COLEC10: variants seen among roughly 807,000 people sequenced by gnomAD.
COLEC10 encodes collectin subfamily member 10.
In COLEC10, 22 loss-of-function variants were observed where a neutral mutation model predicts 28.4. That is an observed-to-expected ratio of 0.78 (90% CI 0.55 to 1.11). The LOEUF (loss-of-function observed/expected upper bound fraction) is 1.11. Ranked by LOEUF, COLEC10 falls within the 50% of genes least tolerant of loss-of-function variation. The probability of loss-of-function intolerance (pLI) is 0.00; values close to 1 mark genes in which losing one functional copy is unlikely to be tolerated. For synonymous variants in COLEC10, 125 were observed against 116.1 expected (o/e 1.08, Z -0.49); for missense variants, 361 against 344.1 (o/e 1.05, Z -0.39).
intron 2 of COLEC10, among the ~76,000 whole-genome samples, chr8:119,036,363 T>C (rs1814389446): frequency 6.6e-6 from 1 of 152,234 alleles, no homozygotes; most frequent in Admixed American, 6.5e-5. Flanking sequence ...GGCATCTGCA[T>C]GCCACTCAGT....
At chr8:118,987,092 G>A in the COLEC10 span, among the ~76,000 whole-genome samples, 1 of 152,094 alleles carries the variant, frequency 6.6e-6, no homozygotes, top group Non-Finnish European at 1.5e-5. Flanking sequence ...CGAATACTTT[G>A]TCTCGTCTCT....
chr8:118,952,731 G>A, the COLEC10 span, among the ~76,000 whole-genome samples: 4 of 152,148 alleles, frequency 2.6e-5, no homozygotes, highest in East Asian at 3.9e-4. Context: ...AGCTTCCTAC[G>A]CGCTGAACTT....
the COLEC10 span, among the ~76,000 whole-genome samples, chr8:118,964,500 A>G: frequency 6.6e-6 from 1 of 152,160 alleles, no homozygotes; most frequent in Non-Finnish European, 1.5e-5. Flanking sequence ...GAGCTTTAAT[A>G]TTTAAATTCT....
chr8:119,023,011 G>A lies in COLEC10; in HGVS notation n.235+13458G>A, dbSNP rs535769769. On this transcript the variant is annotated intron_variant and non_coding_transcript_variant, in intron 2 of 6. Coordinates refer to the COLEC10 transcript ENST00000521788. The stretch of plus-strand genomic sequence containing the variant: ...TTTGCACTGCTTACTTACTCCACTG[G>A]AAGCAACTGTGGTAATTCCTGGTCT... Among the ~76,000 whole-genome samples the A allele has an allele frequency of 1.3e-4, 20 of 152,002 alleles. 1 individual carries two copies. The South Asian group carries it at 3.3e-3, about 25-fold the overall frequency.
chr8:118,982,135 A>C, the COLEC10 span, among the ~76,000 whole-genome samples: 1 of 152,126 alleles, frequency 6.6e-6, no homozygotes. Flanking sequence ...CTGATTGCTA[A>C]GGATTTAATT....
At chr8:118,991,295 C>T (rs11992070), upstream of COLEC10, among the ~76,000 whole-genome samples, 7,427 of 152,190 alleles carry the variant, frequency 0.049, 279 homozygotes, top group East Asian at 0.17. Context: ...TCCCTGTGTC[C>T]TAACTACCTC....
intron 1 of COLEC10, 80 bp from the exon 2 acceptor site, chr8:119,089,600 C>A (rs1815547716): frequency 8.9e-7 from 1 of 1,124,482 alleles, no homozygotes; most frequent in Non-Finnish European, 1.3e-6. Context: ...AGATTGTAAC[C>A]ATGTCCACCT....
intron 1 of COLEC10, among the ~76,000 whole-genome samples, chr8:118,996,585 G>A (rs575864924): frequency 9.9e-5 from 15 of 152,048 alleles, no homozygotes; most frequent in East Asian, 7.7e-4. Flanking sequence ...TTGTGGTTCC[G>A]GTTTACATTT....
the COLEC10 span, among the ~76,000 whole-genome samples, chr8:118,957,300 A>T: frequency 6.6e-6 from 1 of 152,218 alleles, no homozygotes; most frequent in African/African-American, 2.4e-5. Context: ...AACTCTTCGG[A>T]TGGTGATAGG....
At chr8:118,981,242 A>C in the COLEC10 span, among the ~76,000 whole-genome samples, 1 of 152,146 alleles carries the variant, frequency 6.6e-6, no homozygotes, top group African/African-American at 2.4e-5. Flanking sequence ...GGTTTAAAAC[A>C]AACAAGAAAA....
chr8:119,077,013 A>G (rs1815252644), intron 1 of COLEC10, among the ~76,000 whole-genome samples: 1 of 152,208 alleles, frequency 6.6e-6, no homozygotes, highest in African/African-American at 2.4e-5. Context: ...GTGTCACCCT[A>G]GCACCATGCT....
At chr8:118,970,219 A>T in the COLEC10 span, among the ~76,000 whole-genome samples, 1 of 152,082 alleles carries the variant, frequency 6.6e-6, no homozygotes, top group Non-Finnish European at 1.5e-5. Flanking sequence ...AAGTAGCCAT[A>T]ATCCTATTTA....
chr8:119,045,921 T>C (rs1054438782), intron 2 of COLEC10, among the ~76,000 whole-genome samples: 5 of 152,208 alleles, frequency 3.3e-5, no homozygotes, highest in African/African-American at 1.2e-4. Flanking sequence ...ACAGAATAAA[T>C]CTACGGTCTT....
rs1064556 is a variant in COLEC10 at position 119,106,378 on chromosome 8, A to G, written c.*187A>G. 0.1 allele frequency: 60,411 copies of G among 587,596 alleles called. 7,760 individuals carry two copies. Among genetic ancestry groups the G allele is most frequent in the African/African-American group, 0.47 (25,093 of 53,818 alleles). The allele number at this position is 587,596 out of a possible 1,614,324, so 36.4% of individuals were successfully genotyped here. A position where few individuals can be genotyped will look rare whatever the true frequency, so the allele number is the denominator to read the frequency against. On this transcript the variant is annotated 3_prime_UTR_variant, in exon 6 of 6. Coordinates refer to ENST00000332843, the MANE Select transcript of COLEC10 (RefSeq NM_006438.5). ...ATTTTCATATTTTCACACATGGTAT[A>G]TTATTGACCCAATAACTCGCCAGGT... is the stretch of plus-strand genomic sequence containing the variant.
chr8:119,005,241 A>G (rs138654773), intron 1 of COLEC10, among the ~76,000 whole-genome samples: 30 of 152,258 alleles, frequency 2.0e-4, no homozygotes, highest in South Asian at 1.2e-3. Flanking sequence ...TTTACTGAGC[A>G]AACCATGACA....
chr8:119,072,436 A>G (rs1011069131), intron 1 of COLEC10, among the ~76,000 whole-genome samples: 2 of 152,208 alleles, frequency 1.3e-5, no homozygotes, highest in African/African-American at 4.8e-5. Context: ...ATACTTTATT[A>G]TCTCAATGGA....
At chr8:119,069,629 A>AAAAATATATATATATATATAT (rs1554627284) in intron 1 of COLEC10, among the ~76,000 whole-genome samples, 1 of 42,876 alleles carries the variant, frequency 2.3e-5, no homozygotes, top group Non-Finnish European at 4.4e-5. Flanking sequence ...AAAAAAAAAA[A>AAAAATATATATATATATATAT]ATATATATAT....
chr8:118,992,806 T>C (rs1175804154), upstream of COLEC10, among the ~76,000 whole-genome samples: 1 of 152,188 alleles, frequency 6.6e-6, no homozygotes, highest in Non-Finnish European at 1.5e-5. Context: ...ACATCAAACA[T>C]TATACCATAA....
intron 2 of COLEC10, among the ~76,000 whole-genome samples, chr8:119,039,808 T>TTC (rs1206596935): frequency 6.6e-6 from 1 of 152,204 alleles, no homozygotes; most frequent in Non-Finnish European, 1.5e-5. Flanking sequence ...GGTGCCATCT[T>TTC]TCTCTCTCTT....
Sources: allele counts gnomAD v4.1 joint callset (sites outside exome capture counted in the v4.1 genomes callset), GRCh38; gene constraint gnomAD v4.1.1; transcripts MANE v1.5; gene names NCBI Gene and HGNC (gene_info 2026-07-23, HGNC 2026-07-21).